BRINP3: variants seen among roughly 807,000 people sequenced by gnomAD.
BRINP3 encodes BMP/retinoic acid-inducible neural-specific protein 3.
BRINP3 carries 19 observed loss-of-function variants against 71.0 expected under a neutral mutation model. The ratio of observed to expected loss-of-function variants is 0.27; its 90% CI spans 0.19 to 0.39. BRINP3 has a LOEUF of 0.39. Ranked by LOEUF, BRINP3 falls within the 10% of genes least tolerant of loss-of-function variation. The pLI, the probability that BRINP3 is intolerant of heterozygous loss-of-function variation, is 1.00. For synonymous variants in BRINP3, 380 were observed against 337.7 expected (o/e 1.13, Z -1.37); for missense variants, 959 against 940.8 (o/e 1.02, Z -0.25).
At chr1:190,439,892 T>C (rs1674704379) in intron 2 of BRINP3, among the ~76,000 whole-genome samples, 3 of 151,958 alleles carry the variant, frequency 2.0e-5, no homozygotes, top group Admixed American at 2.0e-4. Context: ...TTAATTCTCA[T>C]TTTGATTCTT....
At chr1:190,400,558 C>T (rs1469270097) in intron 2 of BRINP3, among the ~76,000 whole-genome samples, 3 of 152,166 alleles carry the variant, frequency 2.0e-5, no homozygotes, top group Non-Finnish European at 4.4e-5. Flanking sequence ...AGGTTTTAAT[C>T]ACTTACATGT....
intron 6 of BRINP3, among the ~76,000 whole-genome samples, chr1:190,161,249 A>T (rs1220824551): frequency 6.6e-6 from 1 of 151,946 alleles, no homozygotes; most frequent in East Asian, 1.9e-4. Flanking sequence ...CATTAATCTG[A>T]CTTTCATTTT....
At chr1:190,263,306 A>C (rs2102868460) in intron 4 of BRINP3, among the ~76,000 whole-genome samples, 1 of 152,276 alleles carries the variant, frequency 6.6e-6, no homozygotes, top group East Asian at 1.9e-4. Flanking sequence ...TGTACGGCAT[A>C]AATATTATTT....
In BRINP3 at chr1:190,453,203, A is replaced by ATT. The variant is rs1190785225; in HGVS notation, c.236+1450_236+1451dup. Among the ~76,000 whole-genome samples the ATT allele has an allele frequency of 8.7e-3, 354 of 40,868 alleles. 95 individuals are homozygous for ATT. Among genetic ancestry groups the ATT allele is most frequent in the African/African-American group, 0.025 (256 of 10,146 alleles). 26.8% of individuals were successfully genotyped at this position (40,868 alleles called of 152,430 possible). A position where few individuals can be genotyped will look rare whatever the true frequency, so the allele number is the denominator to read the frequency against. On this transcript the variant is annotated intron_variant, in intron 2 of 7. Transcript: ENST00000367462. ...ACTTTTCAGAAAGAAAAACTTTAGT[A>ATT]TTTTTTTTTTTTTTTTTTTTTTTTT... is the stretch of plus-strand genomic sequence containing the variant.
At chr1:190,133,378 T>A (rs969247382) in intron 7 of BRINP3, among the ~76,000 whole-genome samples, 1 of 152,114 alleles carries the variant, frequency 6.6e-6, no homozygotes, top group African/African-American at 2.4e-5. Context: ...ATATGCATTA[T>A]AACTTAAGAA....
intron 2 of BRINP3, among the ~76,000 whole-genome samples, chr1:190,449,296 G>T (rs1020743920): frequency 6.6e-6 from 1 of 151,670 alleles, no homozygotes; most frequent in East Asian, 1.9e-4. Flanking sequence ...TTGCCGTATG[G>T]TCTTCTGTTT....
intron 1 of BRINP3, among the ~76,000 whole-genome samples, chr1:190,470,211 A>T (rs755722272): frequency 1.4e-4 from 21 of 151,174 alleles, no homozygotes; most frequent in Admixed American, 2.6e-4. Context: ...CTTAATCCTG[A>T]TGAGCTTGGC....
chr1:190,430,970 T>C (rs1171711678), intron 2 of BRINP3, among the ~76,000 whole-genome samples: 3 of 152,104 alleles, frequency 2.0e-5, no homozygotes, highest in African/African-American at 7.2e-5. Flanking sequence ...TTTTTTTTAC[T>C]CATCAAGCTT....
chr1:190,169,240 C>T (rs971834377), intron 6 of BRINP3, among the ~76,000 whole-genome samples: 2 of 152,078 alleles, frequency 1.3e-5, no homozygotes, highest in African/African-American at 4.8e-5. Flanking sequence ...AAATGAAGAA[C>T]AAGTAACTGC....
At chr1:190,237,357 A>G (rs1229574990) in intron 4 of BRINP3, among the ~76,000 whole-genome samples, 1 of 151,734 alleles carries the variant, frequency 6.6e-6, no homozygotes, top group Non-Finnish European at 1.5e-5. Flanking sequence ...CAGCATTAGT[A>G]AATGTGCTCA....
intron 4 of BRINP3, among the ~76,000 whole-genome samples, chr1:190,243,348 T>A (rs1422241335): frequency 6.6e-6 from 1 of 152,084 alleles, no homozygotes; most frequent in Non-Finnish European, 1.5e-5. Flanking sequence ...ACTTTTTTTT[T>A]AGATAACACA....
intron 2 of BRINP3, among the ~76,000 whole-genome samples, chr1:190,343,643 T>C (rs773267659): frequency 2.0e-5 from 3 of 151,706 alleles, no homozygotes; most frequent in Non-Finnish European, 4.4e-5. Context: ...TATTATTATA[T>C]TTAATCTCTA....
intron 6 of BRINP3, among the ~76,000 whole-genome samples, chr1:190,215,724 T>C (rs911656986): frequency 1.3e-5 from 2 of 151,934 alleles, no homozygotes; most frequent in African/African-American, 4.8e-5. Context: ...ACCTAGATGA[T>C]TGCCAATACA....
chr1:190,398,022 A>T (rs1268986124), intron 2 of BRINP3, among the ~76,000 whole-genome samples: 1 of 152,002 alleles, frequency 6.6e-6, no homozygotes, highest in Admixed American at 6.6e-5. Flanking sequence ...CCTGGAGCAT[A>T]TGTTAAAGGA....
chr1:190,286,762 C>A (rs1663457190), intron 2 of BRINP3, among the ~76,000 whole-genome samples: 1 of 151,980 alleles, frequency 6.6e-6, no homozygotes, highest in African/African-American at 2.4e-5. Flanking sequence ...TCTACTGGAA[C>A]AAATTCAAAA....
At chr1:190,423,550 T>G (rs1383515965) in intron 2 of BRINP3, among the ~76,000 whole-genome samples, 3 of 151,858 alleles carry the variant, frequency 2.0e-5, no homozygotes, top group Non-Finnish European at 4.4e-5. Flanking sequence ...CCTTTACTTA[T>G]TTGGCAATTT....
At chr1:190,133,848 G>A (rs894386914) in intron 7 of BRINP3, among the ~76,000 whole-genome samples, 1 of 151,998 alleles carries the variant, frequency 6.6e-6, no homozygotes, top group Non-Finnish European at 1.5e-5. Flanking sequence ...CATAAAATGA[G>A]GCAGGGTCCT....
intron 2 of BRINP3, among the ~76,000 whole-genome samples, chr1:190,284,534 A>G (rs1663275920): frequency 6.6e-6 from 1 of 151,986 alleles, no homozygotes; most frequent in South Asian, 2.1e-4. Flanking sequence ...TCCTCTACCC[A>G]TTTATCATTG....
At chr1:190,165,542 C>T (rs996564177) in intron 6 of BRINP3, among the ~76,000 whole-genome samples, 46 of 137,212 alleles carry the variant, frequency 3.4e-4, no homozygotes, top group African/African-American at 1.2e-3. Flanking sequence ...ATACTAAGTA[C>T]TAATTCCAAA....
Sources: allele counts gnomAD v4.1 joint callset (sites outside exome capture counted in the v4.1 genomes callset), GRCh38; gene constraint gnomAD v4.1.1; transcripts MANE v1.5; gene names NCBI Gene and HGNC (gene_info 2026-07-23, HGNC 2026-07-21).